The following RAB13 variants were observed in gnomAD, a reference collection of about 807,000 sequenced individuals.
RAB13 encodes ras-related protein Rab-13.
RAB13 carries 15 observed loss-of-function variants against 29.3 expected under a neutral mutation model. That is an observed-to-expected ratio of 0.51 (90% CI 0.34 to 0.79). RAB13 has a LOEUF of 0.79. Among genes scored for constraint, RAB13 ranks in the 30% least tolerant of loss-of-function variants. RAB13 has a pLI of 0.01. For synonymous variants in RAB13, 82 were observed against 93.8 expected, an observed-to-expected ratio of 0.87 and a Z score of 0.73; for missense variants, 186 against 255.5, an observed-to-expected ratio of 0.73 and a Z score of 1.85.
At chr1:153,982,236 A>G in intron 7 of RAB13, 60 bp from the exon 8 acceptor site, 1 of 1,555,616 alleles carries the variant, frequency 6.4e-7, no homozygotes, top group Non-Finnish European at 8.9e-7. Flanking sequence ...AGGAGGGTAT[A>G]AACTGTTTAA....
At chr1:153,990,682 T>C (rs944098505), upstream of RAB13, 6 of 1,435,052 alleles carry the variant, frequency 4.2e-6, no homozygotes, top group African/African-American at 1.4e-5. Context: ...AAGTAAGACG[T>C]TCCAAACATG....
chr1:153,983,367 G>A (rs1163579596), intron 3 of RAB13, 71 bp from the exon 4 acceptor site: 13 of 1,493,884 alleles, frequency 8.7e-6, no homozygotes, highest in Non-Finnish European at 1.2e-5. Flanking sequence ...AAGTGACCCC[G>A]CATCCATGGG....
In RAB13 at chr1:153,982,199, G is replaced by A. The variant is rs763522490; in HGVS notation, c.535-23C>T. On this transcript the variant is annotated intron_variant, in intron 7 of 7. Transcript: ENST00000368575. ...TCCCTAGAGGGAGAAGGGCACAGGT[G>A]TCATGGTGTGAATGGATGGTTAGGG... is the stretch of plus-strand genomic sequence containing the variant. The A allele has an allele frequency of 1.6e-5, 25 of 1,599,270 alleles. No homozygotes were observed. The African/African-American group carries it at 2.4e-4, about 15-fold the overall frequency.
At chr1:153,986,040 TC>T in intron 1 of RAB13, 72 bp downstream of exon 1, 1 of 1,594,608 alleles carries the variant, frequency 6.3e-7, no homozygotes, top group South Asian at 1.1e-5. Context: ...AAAAGTGGGG[TC>T]ACTAGTAATC....
upstream of RAB13, among the ~76,000 whole-genome samples, chr1:153,988,294 ATTT>A (rs552724489): frequency 7.5e-4 from 81 of 107,526 alleles, no homozygotes; most frequent in Middle Eastern, 0.032. Context: ...GCCTGGCCCT[ATTT>A]TTTTTTTTTT....
chr1:153,989,262 T>C (rs944708220), upstream of RAB13, among the ~76,000 whole-genome samples: 10 of 139,390 alleles, frequency 7.2e-5, no homozygotes, highest in African/African-American at 2.3e-4. Context: ...ATTATTATTA[T>C]TATTTGAGAC....
chr1:153,986,388 A>T, upstream of RAB13: 1 of 664,350 alleles, frequency 1.5e-6, no homozygotes, highest in Non-Finnish European at 2.5e-6. Flanking sequence ...GAGAGGCGGC[A>T]CCCCTCCGGG....
chr1:153,984,386 C>G (rs1649096788), intron 2 of RAB13, among the ~76,000 whole-genome samples: 1 of 152,146 alleles, frequency 6.6e-6, no homozygotes, highest in Non-Finnish European at 1.5e-5. Context: ...TTGGAGAAAA[C>G]ACTAGACTTA....
intron 2 of RAB13, among the ~76,000 whole-genome samples, chr1:153,983,986 G>A (rs960061190): frequency 2.6e-4 from 39 of 152,074 alleles, no homozygotes; most frequent in Non-Finnish European, 4.4e-5. Context: ...AGACCAGCCT[G>A]GCCAACATGG....
chr1:153,983,895 C>T (rs922232512), intron 2 of RAB13, among the ~76,000 whole-genome samples: 2 of 152,202 alleles, frequency 1.3e-5, no homozygotes, highest in South Asian at 2.1e-4. Context: ...TGAGGAAACA[C>T]GCCAGGTGCC....
intron 3 of RAB13, 107 bp from the exon 4 acceptor site, chr1:153,983,403 C>G: frequency 6.8e-7 from 1 of 1,466,482 alleles, no homozygotes; most frequent in East Asian, 2.3e-5. Flanking sequence ...ATGTTGGGCC[C>G]TCTGCAACCC....
chr1:153,988,839 C>T (rs959798192), upstream of RAB13, among the ~76,000 whole-genome samples: 2 of 149,402 alleles, frequency 1.3e-5, no homozygotes, highest in South Asian at 2.1e-4. Flanking sequence ...CTCGAACTCC[C>T]GACCTCAGGT....
At chr1:153,985,107 TC>T in intron 1 of RAB13, 1 of 1,073,800 alleles carries the variant, frequency 9.3e-7, no homozygotes, top group Non-Finnish European at 1.1e-6. Flanking sequence ...AGTCTCTGTC[TC>T]CCCCCAGATA....
At chr1:153,990,400 A>G (rs1451871555), upstream of RAB13, among the ~76,000 whole-genome samples, 1 of 152,218 alleles carries the variant, frequency 6.6e-6, no homozygotes, top group Non-Finnish European at 1.5e-5. Flanking sequence ...AAAAAGAGTT[A>G]AGAATATAGG....
upstream of RAB13, among the ~76,000 whole-genome samples, chr1:153,987,907 G>A (rs1284787503): frequency 1.3e-5 from 2 of 151,762 alleles, no homozygotes; most frequent in Non-Finnish European, 2.9e-5. Flanking sequence ...AGTGAGCCAC[G>A]ATTATGATGC....
chr1:153,985,344 G>A, intron 1 of RAB13: 2 of 984,436 alleles, frequency 2.0e-6, no homozygotes, highest in Non-Finnish European at 2.4e-6. Context: ...GAATTGTCGT[G>A]AGACTCTTCC....
In RAB13 at chr1:153,982,725, G is replaced by A. The variant is rs780668783; in HGVS notation, c.408C>T (p.Ala136=). Reference sequence around the variant, plus strand: ...TGCTCAGCCTGGCCCTCACCTTATCGGCCTGCTCCTTCTGCACCTTCCTCT... The same window carrying A: ...TGCTCAGCCTGGCCCTCACCTTATCAGCCTGCTCCTTCTGCACCTTCCTCT... ...EAKRKVQKEQ[A]DKLAREHGIR... is the part of the protein sequence containing the mutation. The change falls in exon 5 of 8, where the codon GCC becomes GCT. Residue 136 remains alanine (A), a synonymous_variant. Coordinates refer to ENST00000368575, the MANE Select transcript of RAB13 (RefSeq NM_002870.5). 35 of 1,613,978 alleles carry A rather than the reference G, an allele frequency of 2.2e-5. 2 individuals are homozygous for A. In the South Asian group the frequency reaches 3.0e-4, roughly 14 times the overall value.
intron 4 of RAB13, 160 bp from the exon 5 acceptor site, chr1:153,982,968 A>G (rs1277292129): frequency 1.3e-6 from 1 of 771,282 alleles, no homozygotes; most frequent in East Asian, 2.6e-5. Flanking sequence ...TCTACTAAAA[A>G]TGCAAAATTA....
upstream of RAB13, among the ~76,000 whole-genome samples, chr1:153,988,538 G>A (rs982248413): frequency 6.7e-6 from 1 of 149,286 alleles, no homozygotes; most frequent in Non-Finnish European, 1.5e-5. Flanking sequence ...TGATCTGCCC[G>A]CCTTGGCCTC....
Sources: gnomAD v4.1 joint callset for allele counts (sites outside exome capture counted in the v4.1 genomes callset) on GRCh38, gnomAD v4.1.1 for gene constraint, MANE v1.5 for transcripts, NCBI Gene and HGNC (gene_info 2026-07-23, HGNC 2026-07-21) for gene names.